Variants in KRT4 observed in about 807,000 individuals in gnomAD.
The protein encoded by KRT4 is keratin 4.
In KRT4, 47 loss-of-function variants were observed where a neutral mutation model predicts 50.6. The observed-to-expected ratio is 0.93, with a 90% CI of 0.73 to 1.18. KRT4 has a LOEUF of 1.18. Ranked by LOEUF, KRT4 falls within the 50% of genes most tolerant of loss-of-function variation. KRT4 has a pLI of 0.00. For synonymous variants in KRT4, 254 were observed against 251.2 expected, an observed-to-expected ratio of 1.01 and a Z score of -0.10; for missense variants, 651 against 645.7, an observed-to-expected ratio of 1.01 and a Z score of -0.09.
intron 2 of KRT4, chr12:52,811,507 A>C (rs1484502627): frequency 4.0e-6 from 2 of 504,190 alleles, no homozygotes; most frequent in Non-Finnish European, 7.2e-6. Flanking sequence ...CTTTTCATCT[A>C]TTTGGGTTCT....
intron 3 of KRT4, among the ~76,000 whole-genome samples, chr12:52,810,476 G>T (rs1473415245): frequency 2.0e-5 from 3 of 152,142 alleles, no homozygotes; most frequent in Non-Finnish European, 4.4e-5. Flanking sequence ...GAACCCAGTA[G>T]GTGGAGCTTG....
At position 52,806,920 on chromosome 12, in the gene KRT4, T is replaced by C. The variant is rs1377288296; in HGVS notation, c.*149A>G. ...GTCCCTGTCCCAGCACAGAAGATCA[T>C]CCTGGGGCAGAGAGAGCCCATGGGA... On this transcript the variant is annotated 3_prime_UTR_variant, in exon 9 of 9. Transcript: ENST00000551956. The C allele has an allele frequency of 2.4e-6, 2 of 826,094 alleles. No individual in the cohort carries two copies. Among genetic ancestry groups the C allele is most frequent in the Non-Finnish European group, 4.0e-6 (2 of 497,048 alleles). 51.2% of individuals were successfully genotyped at this position (826,094 alleles called of 1,614,324 possible). A position where few individuals can be genotyped will look rare whatever the true frequency, so the allele number is the denominator to read the frequency against.
At chr12:52,810,640 T>C in intron 3 of KRT4, 116 bp downstream of exon 3, 1 of 852,548 alleles carries the variant, frequency 1.2e-6, no homozygotes. Flanking sequence ...ATCTAGATAG[T>C]TCCAAGTGAA....
chr12:52,810,782 C>T lies in KRT4; in HGVS notation c.712G>A (p.Glu238Lys), dbSNP rs774011441. The change falls in exon 3 of 9, where the codon GAG becomes AAG. Residue 238 changes from glutamate to lysine, a missense_variant. Physicochemically the swap from Glu to Lys is moderately conservative, Grantham distance 56. Coordinates refer to ENST00000551956, the MANE Select transcript of KRT4 (RefSeq NM_002272.4). ...TTCTTTAGGACCACAAAGTCATTCT[C>T]GGCTGCTGTGCGTTTGTTGATCTCC... is the stretch of plus-strand genomic sequence containing the variant. ...EEEINKRTAA[E>K]NDFVVLKKDV... 1.5e-5 allele frequency: 25 copies of T among 1,614,020 alleles called. No homozygotes were observed. The highest frequency in any genetic ancestry group is 2.2e-5 in the South Asian group (2 of 91,080).
chr12:52,810,003 A>C (rs1939880901), intron 3 of KRT4, among the ~76,000 whole-genome samples: 1 of 152,216 alleles, frequency 6.6e-6, no homozygotes, highest in Non-Finnish European at 1.5e-5. Flanking sequence ...CAACTCAGGC[A>C]CAGAAAGACA....
At position 52,808,323 on chromosome 12, in the gene KRT4, G is replaced by C; in HGVS notation, c.1096C>G (p.Arg366Gly). 1 of 1,614,088 alleles carries C rather than the reference G, an allele frequency of 6.2e-7. No homozygotes were observed. ...AELNRMIQRLRAEIENIKKQC... is the reference protein window; with the variant it reads ...AELNRMIQRLGAEIENIKKQC... Reference sequence around the variant, plus strand: ...TTCTTGATGTTCTCGATCTCTGCCCGCAGCCTCTGGATCATCCTGTTGAGC... The same window carrying C: ...TTCTTGATGTTCTCGATCTCTGCCCCCAGCCTCTGGATCATCCTGTTGAGC... Residue 366 changes from arginine (R) to glycine (G), a missense_variant, in exon 6 of 9, where the codon CGG becomes GGG. Coordinates refer to ENST00000551956, the MANE Select transcript of KRT4 (RefSeq NM_002272.4).
chr12:52,808,855 A>G lies in KRT4; in HGVS notation c.835-5T>C, dbSNP rs993142699. ...GGTCTGCATCTGGGACAGCTCCTGC[A>G]GGGCAAATGTCTCACATCAGCCCCC... On this transcript the variant is annotated splice_region_variant and splice_polypyrimidine_tract_variant and intron_variant, in intron 4 of 8. Coordinates refer to ENST00000551956, the MANE Select transcript of KRT4 (RefSeq NM_002272.4). The G allele has an allele frequency of 2.5e-6, 4 of 1,614,098 alleles. No individual in the cohort carries two copies. In the Admixed American group the frequency reaches 6.7e-5, roughly 27 times the overall value.
Position 52,807,034 on chromosome 12 carries a change from G to C in KRT4, c.*35C>G, listed in dbSNP as rs758554468. ...CACAGAGACACCAGTGCTGGGCCCA[G>C]CTGGACACAGTGAGCTGCAGGGACC... On this transcript the variant is annotated 3_prime_UTR_variant, in exon 9 of 9. Coordinates refer to ENST00000551956, the MANE Select transcript of KRT4 (RefSeq NM_002272.4). 2 of 1,608,564 alleles carry C rather than the reference G, an allele frequency of 1.2e-6. No individual in the cohort carries two copies. Among genetic ancestry groups the C allele is most frequent in the South Asian group, 1.1e-5 (1 of 90,948 alleles).
chr12:52,807,295 C>T lies in KRT4; in HGVS notation c.1382-45G>A, dbSNP rs1939815990. The T allele has an allele frequency of 5.0e-6, 8 of 1,613,684 alleles. No individual in the cohort carries two copies. The South Asian group carries it at 6.6e-5, about 13-fold the overall frequency. On this transcript the variant is annotated intron_variant, in intron 8 of 8. Coordinates refer to ENST00000551956, the MANE Select transcript of KRT4 (RefSeq NM_002272.4). ...GACACAGTTATTCCAATGCTGCCAGCACCCCAGGGGTCTGGCAAGACCCGG... is the reference window on the plus strand; with the variant it reads ...GACACAGTTATTCCAATGCTGCCAGTACCCCAGGGGTCTGGCAAGACCCGG...
intron 2 of KRT4, 21 bp downstream of exon 2, chr12:52,811,742 C>T (rs763386539): frequency 1.3e-6 from 2 of 1,592,916 alleles, no homozygotes; most frequent in African/African-American, 1.3e-5. Context: ...AGATGGCGTC[C>T]CCTCCTTCCT....
At position 52,813,638 on chromosome 12, in the gene KRT4, T is replaced by A. The variant is rs1167873306; in HGVS notation, c.421A>T (p.Ile141Phe). The A allele has an allele frequency of 1.1e-5, 18 of 1,613,768 alleles. No individual in the cohort carries two copies. The highest frequency in any genetic ancestry group is 1.5e-5 in the Non-Finnish European group (18 of 1,179,914). ...GCAAACTTGTTGTTGAGGAGCTTGA[T>A]CTGTTCGCGCTCTTCCGTCCGGACT... is the stretch of plus-strand genomic sequence containing the variant. Reference protein sequence around the residue: ...QKVRTEEREQIKLLNNKFASF... With the variant: ...QKVRTEEREQFKLLNNKFASF... The change falls in exon 1 of 9, where the codon ATC (isoleucine) becomes TTC (phenylalanine). Residue 141 changes from isoleucine to phenylalanine, a missense_variant. Transcript: ENST00000551956.
intron 6 of KRT4, among the ~76,000 whole-genome samples, 154 bp downstream of exon 6, chr12:52,808,140 G>GA (rs140774014): frequency 6.6e-6 from 1 of 152,142 alleles, no homozygotes; most frequent in Non-Finnish European, 1.5e-5. Context: ...GGATATTGCT[G>GA]AAAAAATCTG....
At chr12:52,811,263 T>C (rs1464798472) in intron 2 of KRT4, among the ~76,000 whole-genome samples, 1 of 152,242 alleles carries the variant, frequency 6.6e-6, no homozygotes, top group African/African-American at 2.4e-5. Context: ...GTGTATTCAG[T>C]GTTCACTCTG....
intron 1 of KRT4, 58 bp downstream of exon 1, chr12:52,813,539 C>G (rs1475947322): frequency 1.7e-5 from 26 of 1,494,484 alleles, no homozygotes; most frequent in African/African-American, 6.9e-5. Flanking sequence ...GTCTGAGACC[C>G]CAGGACTCAG....
Position 52,808,278 on chromosome 12 carries a change from A to G in KRT4, c.1125+16T>C. On this transcript the variant is annotated intron_variant, in intron 6 of 8. Transcript: ENST00000551956. ...CCCCTGGCCTTGTGCTCCATCTGGA[A>G]GGGAGTGACACCCACCTGCTTCTTG... 1 of 1,614,080 alleles carries G rather than the reference A, an allele frequency of 6.2e-7. No homozygotes were observed. Among genetic ancestry groups the G allele is most frequent in the African/African-American group, 1.3e-5 (1 of 75,026 alleles).
At position 52,807,647 on chromosome 12, in the gene KRT4, T is replaced by C. The variant is rs1427491527; in HGVS notation, c.1343A>G (p.Tyr448Cys). The C allele has an allele frequency of 1.9e-6, 3 of 1,613,720 alleles. No homozygotes were observed. The Admixed American group carries it at 5.0e-5, about 27-fold the overall frequency. The change falls in exon 7 of 9, where the codon TAC becomes TGC. Residue 448 changes from tyrosine to cysteine, a missense_variant. Physicochemically the swap from Tyr to Cys is radical, Grantham distance 194 (BLOSUM62 -2). Transcript: ENST00000551956. Reference sequence around the variant, plus strand: ...CACACCCTGCCTAACCCCTCACCTGTACTCCTCGCCCTCCAGCAGTTTGCG... The same window carrying C: ...CACACCCTGCCTAACCCCTCACCTGCACTCCTCGCCCTCCAGCAGTTTGCG... ...TYRKLLEGEEYRMSGECQSAV... is the reference protein window; with the variant it reads ...TYRKLLEGEECRMSGECQSAV...
intron 1 of KRT4, among the ~76,000 whole-genome samples, chr12:52,813,015 G>A (rs958210513): frequency 6.6e-6 from 1 of 152,092 alleles, no homozygotes; most frequent in Non-Finnish European, 1.5e-5. Flanking sequence ...ACTTCTAGAC[G>A]TTGCATGAAA....
Position 52,807,051 on chromosome 12 carries a change from G to T in KRT4, c.*18C>A, listed in dbSNP as rs1383276548. On this transcript the variant is annotated 3_prime_UTR_variant, in exon 9 of 9. Coordinates refer to ENST00000551956, the MANE Select transcript of KRT4 (RefSeq NM_002272.4). ...TGGGCCCAGCTGGACACAGTGAGCTGCAGGGACCTCGTCTCCTCTATCGTC... is the reference window on the plus strand; with the variant it reads ...TGGGCCCAGCTGGACACAGTGAGCTTCAGGGACCTCGTCTCCTCTATCGTC... 8 of 1,613,330 alleles carry T rather than the reference G, an allele frequency of 5.0e-6. No individual in the cohort carries two copies. Among genetic ancestry groups the T allele is most frequent in the Admixed American group, 1.7e-5 (1 of 60,026 alleles).
chr12:52,811,860 C>T lies in KRT4; in HGVS notation c.580G>A (p.Val194Ile), dbSNP rs563252626. The change falls in exon 2 of 9, where the codon GTC becomes ATC. Residue 194 changes from valine (V) to isoleucine (I), a missense_variant. Val to Ile is a conservative substitution (Grantham distance 29). Coordinates refer to ENST00000551956, the MANE Select transcript of KRT4 (RefSeq NM_002272.4). ...AAGGTATCTAGCTGCTTCCTCAGGA[C>T]ACTGAGGTAGGTCTCAAAGAGGGGC... Reference protein sequence around the residue: ...LEPLFETYLSVLRKQLDTLGN... With the variant: ...LEPLFETYLSILRKQLDTLGN... 1 of 1,613,880 alleles carries T rather than the reference C, an allele frequency of 6.2e-7. No homozygotes were observed. Among genetic ancestry groups the T allele is most frequent in the Non-Finnish European group, 8.5e-7 (1 of 1,179,830 alleles).
Sources: gnomAD v4.1 joint callset for allele counts (sites outside exome capture counted in the v4.1 genomes callset) on GRCh38, gnomAD v4.1.1 for gene constraint, MANE v1.5 for transcripts, NCBI Gene and HGNC (gene_info 2026-07-23, HGNC 2026-07-21) for gene names.